The following NCAPD3 variants were observed in gnomAD, a reference collection of about 807,000 sequenced individuals.
NCAPD3 encodes non-SMC condensin II complex subunit D3, also known as condensin-2 complex subunit D3.
Under a neutral mutation model 182.9 loss-of-function variants are expected in NCAPD3, and 105 were observed. That is an observed-to-expected ratio of 0.57 (90% CI 0.49 to 0.68). The LOEUF (loss-of-function observed/expected upper bound fraction) is 0.68. NCAPD3 is among the 30% of genes least tolerant of loss of function. NCAPD3 has a pLI of 0.00. For missense variants in NCAPD3, 1,944 were observed against 1,837.0 expected (o/e 1.06, Z -1.07); for synonymous variants, 815 against 679.9 (o/e 1.20, Z -3.09).
At chr11:134,177,046 C>T (rs570043542) in intron 23 of NCAPD3, among the ~76,000 whole-genome samples, 173 bp downstream of exon 23, 68 of 152,326 alleles carry the variant, frequency 4.5e-4, no homozygotes, top group African/African-American at 1.5e-3. Flanking sequence ...TCACAAGTAA[C>T]GCCGTTTAGA....
At chr11:134,170,580 T>C (rs1241133057) in intron 24 of NCAPD3, among the ~76,000 whole-genome samples, 1 of 152,256 alleles carries the variant, frequency 6.6e-6, no homozygotes, top group African/African-American at 2.4e-5. Flanking sequence ...TAAAGCCAGA[T>C]AGAATCAGCA....
At position 134,159,964 on chromosome 11, in the gene NCAPD3, C is replaced by T; in HGVS notation, c.3795G>A (p.Gln1265=). ...CTGCATGTTTTGCTAGCTCCTGCTC[C>T]TGGACCAGCTGTTCCTGGTACTTCT... is the stretch of plus-strand genomic sequence containing the variant. ...DMKKYQEQLV[Q]EQELAKHADV... The change falls in exon 29 of 35, where the codon CAG becomes CAA. Residue 1265 remains glutamine, a synonymous_variant. Coordinates refer to ENST00000534548, the MANE Select transcript of NCAPD3 (RefSeq NM_015261.3). 6 of 1,614,140 alleles carry T rather than the reference C, an allele frequency of 3.7e-6. No homozygotes were observed. The highest frequency in any genetic ancestry group is 1.1e-5 in the South Asian group (1 of 91,084).
intron 24 of NCAPD3, among the ~76,000 whole-genome samples, chr11:134,171,788 T>C (rs1429429067): frequency 2.0e-5 from 3 of 152,158 alleles, no homozygotes; most frequent in African/African-American, 7.2e-5. Flanking sequence ...GCACTCCCTA[T>C]GCTTCCCCTT....
intron 8 of NCAPD3, among the ~76,000 whole-genome samples, chr11:134,205,319 T>C (rs770752416): frequency 1.3e-5 from 2 of 152,164 alleles, no homozygotes; most frequent in Admixed American, 6.5e-5. Flanking sequence ...TACCACCTCA[T>C]GGTAGCTCAG....
At chr11:134,190,276 T>G (rs916957573) in intron 16 of NCAPD3, among the ~76,000 whole-genome samples, 1 of 152,200 alleles carries the variant, frequency 6.6e-6, no homozygotes, top group Non-Finnish European at 1.5e-5. Flanking sequence ...GAAATGCAAG[T>G]AAATGCACCC....
chr11:134,157,458 G>GA (rs1466764304), intron 31 of NCAPD3, among the ~76,000 whole-genome samples: 6 of 152,180 alleles, frequency 3.9e-5, no homozygotes, highest in African/African-American at 9.7e-5. Context: ...TATTTGTATG[G>GA]AAAAATTGAA....
chr11:134,172,485 T>C (rs1944031439), intron 24 of NCAPD3, among the ~76,000 whole-genome samples: 1 of 152,124 alleles, frequency 6.6e-6, no homozygotes, highest in Non-Finnish European at 1.5e-5. Context: ...TGCTTCCTTT[T>C]CTCCCAAACC....
intron 13 of NCAPD3, among the ~76,000 whole-genome samples, chr11:134,195,916 G>T (rs1227895415): frequency 6.6e-6 from 1 of 152,126 alleles, no homozygotes; most frequent in Non-Finnish European, 1.5e-5. Flanking sequence ...AGTGTGGAAG[G>T]CAAATGAACA....
At chr11:134,213,420 A>G (rs536416766) in intron 3 of NCAPD3, among the ~76,000 whole-genome samples, 1 of 152,010 alleles carries the variant, frequency 6.6e-6, no homozygotes, top group African/African-American at 2.4e-5. Context: ...CCTGGGTTCA[A>G]GCGATTCTCC....
chr11:134,190,356 C>T lies in NCAPD3; in HGVS notation c.2045+2333G>A, dbSNP rs113518206. The stretch of plus-strand genomic sequence containing the variant: ...CTTTCAGTCATCTCAGTTAATCATC[C>T]TCATATCATTGTTGTTACTGATTTT... On this transcript the variant is annotated intron_variant, in intron 16 of 34. Transcript: ENST00000534548. Among the ~76,000 whole-genome samples, 64 of 152,322 alleles carry T rather than the reference C, an allele frequency of 4.2e-4. 1 individual carries two copies. The highest frequency in any genetic ancestry group is 7.1e-4 in the Non-Finnish European group (48 of 68,028).
At chr11:134,205,799 G>C (rs763457698) in intron 8 of NCAPD3, among the ~76,000 whole-genome samples, 1 of 152,180 alleles carries the variant, frequency 6.6e-6, no homozygotes, top group Non-Finnish European at 1.5e-5. Context: ...CGAAACGATC[G>C]TGTTTTCACT....
intron 13 of NCAPD3, among the ~76,000 whole-genome samples, chr11:134,196,410 G>A (rs1034923091): frequency 6.6e-5 from 10 of 152,156 alleles, no homozygotes; most frequent in Non-Finnish European, 7.4e-5. Context: ...TTGGGAGGCC[G>A]AGGTGGGTGG....
rs1218025771 is a variant in NCAPD3 at position 134,168,157 on chromosome 11, C to A, written c.3412G>T (p.Ala1138Ser). The change falls in exon 27 of 35, where the codon GCC (alanine) becomes TCC (serine). Residue 1138 changes from alanine (A) to serine (S), a missense_variant. Physicochemically the swap from Ala to Ser is moderately conservative, Grantham distance 99 (BLOSUM62 1). Coordinates refer to ENST00000534548, the MANE Select transcript of NCAPD3 (RefSeq NM_015261.3). ...ADGILPLDLD[A>S]SELLSDTFEV... is the part of the protein sequence containing the mutation. ...AACGTGTCTGAGAGTAACTCACTGG[C>A]GTCCAGGTCCAGGGGTAGGATGCCA... 5 of 1,614,152 alleles carry A rather than the reference C, an allele frequency of 3.1e-6. No individual in the cohort carries two copies. Among genetic ancestry groups the A allele is most frequent in the South Asian group, 2.2e-5 (2 of 91,088 alleles).
In NCAPD3 at chr11:134,210,298, C is replaced by T; in HGVS notation, c.539G>A (p.Gly180Glu). The change falls in exon 4 of 35, where the codon GGA becomes GAA. Residue 180 changes from glycine (G) to glutamate (E), a missense_variant. Transcript: ENST00000534548. ...AATATCTTCTCTCCTGGGTGGCTTT[C>T]CCCTTTTTCTATGCCTCCCGGGGTT... ...QANPGRHRKR[G>E]KPPRREDIEM... 6.2e-7 allele frequency: 1 copy of T among 1,613,714 alleles called. No individual in the cohort carries two copies. The highest frequency in any genetic ancestry group is 1.1e-5 in the South Asian group (1 of 91,044).
Position 134,220,640 on chromosome 11 carries a change from A to G in NCAPD3, c.151T>C (p.Leu51=). 6.2e-7 allele frequency: 1 copy of G among 1,614,016 alleles called. No homozygotes were observed. Among genetic ancestry groups the G allele is most frequent in the South Asian group, 1.1e-5 (1 of 91,084 alleles). The part of the protein sequence containing the change: ...SIEAEIIETG[L]AAFTKLYESL... ...TCATAGAGTTTTGTGAATGCAGCCA[A>G]TCCAGTCTCTATGATCTCTGCTTCT... Residue 51 remains leucine, a synonymous_variant, in exon 2 of 35, where the codon TTG becomes CTG. Coordinates refer to ENST00000534548, the MANE Select transcript of NCAPD3 (RefSeq NM_015261.3).
intron 24 of NCAPD3, among the ~76,000 whole-genome samples, chr11:134,172,072 T>C (rs1565530719): frequency 6.6e-6 from 1 of 152,168 alleles, no homozygotes; most frequent in African/African-American, 2.4e-5. Flanking sequence ...GTTCTGACAC[T>C]GGAAGACAGC....
rs367804425 is a variant in NCAPD3, at chr11:134,172,597, C to T, written c.3102-3543G>A. Reference sequence around the variant, plus strand: ...GCCCTGCCTCTCTACACTCCTGTGGCAGTGCCCGCAGTGCCCAGTTAAACT... The same window carrying T: ...GCCCTGCCTCTCTACACTCCTGTGGTAGTGCCCGCAGTGCCCAGTTAAACT... On this transcript the variant is annotated intron_variant, in intron 24 of 34. Transcript: ENST00000534548. Among the ~76,000 whole-genome samples, 15 of 152,322 alleles carry T rather than the reference C, an allele frequency of 9.8e-5. No homozygotes were observed. The East Asian group carries it at 1.5e-3, about 16-fold the overall frequency.
At chr11:134,208,422 A>G (rs1937699242) in intron 7 of NCAPD3, among the ~76,000 whole-genome samples, 1 of 152,218 alleles carries the variant, frequency 6.6e-6, no homozygotes, top group African/African-American at 2.4e-5. Flanking sequence ...AACACAAATA[A>G]TACAACTACC....
rs746878274 is a variant in NCAPD3, at chr11:134,168,485, G to A, written c.3357C>T (p.Ile1119=). 2 of 1,614,194 alleles carry A rather than the reference G, an allele frequency of 1.2e-6. No individual in the cohort carries two copies. Among genetic ancestry groups the A allele is most frequent in the African/African-American group, 2.7e-5 (2 of 75,052 alleles). Residue 1119 remains isoleucine, a synonymous_variant, in exon 26 of 35, where the codon ATC becomes ATT. Coordinates refer to ENST00000534548, the MANE Select transcript of NCAPD3 (RefSeq NM_015261.3). ...TGGGCTTACCCAAAATACTAAGGCA[G>A]ATTTTGGAAGTGATGTTGAATCGCT... ...DEQRFNITSK[I]CLSILACFAD...
Sources: allele counts gnomAD v4.1 joint callset (sites outside exome capture counted in the v4.1 genomes callset), GRCh38; gene constraint gnomAD v4.1.1; transcripts MANE v1.5; gene names NCBI Gene and HGNC (gene_info 2026-07-23, HGNC 2026-07-21).